Variants in MGST2 observed in about 807,000 individuals in gnomAD.
MGST2 encodes the protein glutathione peroxidase MGST2.
A neutral mutation model predicts 16.6 loss-of-function variants in MGST2; 9 were observed. The observed-to-expected ratio is 0.54, with a 90% CI of 0.33 to 0.95. The LOEUF is 0.95. MGST2 is among the 40% of genes least tolerant of loss of function. The probability of loss-of-function intolerance (pLI) is 0.03; values close to 1 mark genes in which losing one functional copy is unlikely to be tolerated. For missense variants in MGST2, 159 were observed against 175.1 expected, an observed-to-expected ratio of 0.91 and a Z score of 0.52; for synonymous variants, 79 against 68.0, an observed-to-expected ratio of 1.16 and a Z score of -0.79.
the MGST2 span, among the ~76,000 whole-genome samples, chr4:139,752,663 A>G: frequency 6.6e-6 from 1 of 152,188 alleles, no homozygotes; most frequent in Non-Finnish European, 1.5e-5. Context: ...CCTTTACCAC[A>G]TAGCATTTAT....
At position 139,704,121 on chromosome 4, in the gene MGST2, T is replaced by C; in HGVS notation, c.417T>C (p.Ile139=). 1 of 1,614,196 alleles carries C rather than the reference T, an allele frequency of 6.2e-7. No homozygotes were observed. ...SFLDEYLDLN[I]AKKLRRQF ...TGGATGAATATCTGGACCTCAATAT[T>C]GCCAAGAAACTGAGGCGGCAATTCT... Residue 139 remains isoleucine, a synonymous_variant, in exon 5 of 5, where the codon ATT becomes ATC. Coordinates refer to ENST00000265498, the MANE Select transcript of MGST2 (RefSeq NM_002413.5).
chr4:139,678,941 G>T (rs2110821733), intron 2 of MGST2: 2 of 479,932 alleles, frequency 4.2e-6, no homozygotes, highest in Admixed American at 7.2e-5. Context: ...AGGCCCCCTG[G>T]AGCCTTGTGA....
chr4:139,718,724 G>T (rs889232641), intron 5 of MGST2: 3 of 153,214 alleles, frequency 2.0e-5, no homozygotes, highest in African/African-American at 7.2e-5. Flanking sequence ...TAGGATCTGT[G>T]GTTGTCTCCT....
intron 5 of MGST2, chr4:139,717,057 A>ATATT (rs1728002098): frequency 6.6e-6 from 1 of 152,432 alleles, no homozygotes; most frequent in African/African-American, 2.4e-5. Flanking sequence ...ATTTATATGT[A>ATATT]TATTTTTTAC....
At chr4:139,726,481 G>A (rs1156538620) in intron 5 of MGST2, among the ~76,000 whole-genome samples, 1 of 152,172 alleles carries the variant, frequency 6.6e-6, no homozygotes, top group South Asian at 2.1e-4. Flanking sequence ...GCTGAGGGAA[G>A]GGGTTTTGAC....
At chr4:139,723,361 A>C (rs1441700805) in intron 5 of MGST2, among the ~76,000 whole-genome samples, 2 of 152,148 alleles carry the variant, frequency 1.3e-5, no homozygotes, top group Non-Finnish European at 1.5e-5. Context: ...CCCAGGCTGG[A>C]GTGCAATGGC....
At chr4:139,734,240 GATT>G (rs1728838590) in intron 5 of MGST2, among the ~76,000 whole-genome samples, 1 of 152,190 alleles carries the variant, frequency 6.6e-6, no homozygotes, top group South Asian at 2.1e-4. Context: ...CAAATTTCAG[GATT>G]TCAAGCCACT....
At chr4:139,731,613 T>C (rs1728728124) in intron 5 of MGST2, among the ~76,000 whole-genome samples, 1 of 151,756 alleles carries the variant, frequency 6.6e-6, no homozygotes, top group South Asian at 2.1e-4. Context: ...TGAGACTCTT[T>C]CTCAAAAAAA....
intron 3 of MGST2, among the ~76,000 whole-genome samples, chr4:139,699,361 G>A (rs1046771351): frequency 7.2e-5 from 11 of 152,116 alleles, no homozygotes; most frequent in African/African-American, 2.7e-4. Context: ...TTTTAACTTT[G>A]CATAAAATTC....
intron 5 of MGST2, among the ~76,000 whole-genome samples, chr4:139,721,064 A>G (rs1037037049): frequency 2.6e-5 from 4 of 152,242 alleles, no homozygotes; most frequent in Admixed American, 6.5e-5. Context: ...CTAGAAAAAG[A>G]AATCATCCTG....
chr4:139,700,227 GT>G, intron 3 of MGST2, among the ~76,000 whole-genome samples: 1 of 147,316 alleles, frequency 6.8e-6, no homozygotes, highest in South Asian at 2.2e-4. Context: ...CGCCTCCCGG[GT>G]TCACGCCATT....
intron 5 of MGST2, chr4:139,716,877 C>CAA (rs1203593609): frequency 6.6e-6 from 1 of 152,374 alleles, no homozygotes; most frequent in African/African-American, 2.4e-5. Flanking sequence ...GCTCAATGTA[C>CAA]AAAGTAAAAA....
At chr4:139,745,653 CA>C (rs1729296338), downstream of MGST2, among the ~76,000 whole-genome samples, 1 of 152,176 alleles carries the variant, frequency 6.6e-6, no homozygotes, top group African/African-American at 2.4e-5. Flanking sequence ...ACATGGCTAC[CA>C]GAAACCTGGC....
chr4:139,679,125 C>T (rs927007852), intron 2 of MGST2: 7 of 168,786 alleles, frequency 4.1e-5, no homozygotes, highest in South Asian at 1.5e-4. Context: ...CACATGCATG[C>T]GCCATGTTTT....
At chr4:139,685,932 G>C (rs1731537528) in intron 2 of MGST2, among the ~76,000 whole-genome samples, 1 of 152,176 alleles carries the variant, frequency 6.6e-6, no homozygotes, top group Non-Finnish European at 1.5e-5. Flanking sequence ...CCAAAGTGCT[G>C]GGATTACAGG....
chr4:139,705,525 TAAG>T (rs1456781966), downstream of MGST2: 2 of 152,150 alleles, frequency 1.3e-5, no homozygotes, highest in Non-Finnish European at 2.9e-5. Context: ...TTTAATCTCA[TAAG>T]GAGAGAGAGT....
intron 5 of MGST2, chr4:139,717,071 T>G (rs1728003477): frequency 6.6e-6 from 1 of 152,444 alleles, no homozygotes; most frequent in Non-Finnish European, 1.5e-5. Flanking sequence ...TTTTTACAGA[T>G]AGTAGACCCA....
chr4:139,695,090 C>T, intron 2 of MGST2, 107 bp from the exon 3 acceptor site: 1 of 774,574 alleles, frequency 1.3e-6, no homozygotes, highest in Non-Finnish European at 2.2e-6. Context: ...TTTGTAAGTT[C>T]TTATATTTTG....
chr4:139,684,594 C>A (rs1434240125), intron 2 of MGST2, among the ~76,000 whole-genome samples: 2 of 152,236 alleles, frequency 1.3e-5, no homozygotes, highest in East Asian at 3.9e-4. Flanking sequence ...GGTCAGGAGG[C>A]AGCTTTCTTC....
Sources: gnomAD v4.1 joint callset for allele counts (sites outside exome capture counted in the v4.1 genomes callset) on GRCh38, gnomAD v4.1.1 for gene constraint, MANE v1.5 for transcripts, NCBI Gene and HGNC (gene_info 2026-07-23, HGNC 2026-07-21) for gene names.